Variants in ELMO1 observed in about 807,000 individuals in gnomAD.
ELMO1 encodes the protein engulfment and cell motility protein 1.
In ELMO1, 26 loss-of-function variants were observed where a neutral mutation model predicts 98.9. The observed-to-expected ratio is 0.26, with a 90% CI of 0.19 to 0.36. ELMO1 has a LOEUF of 0.36. ELMO1 is among the 10% of genes least tolerant of loss of function. ELMO1 has a pLI of 1.00. For synonymous variants in ELMO1, 346 were observed against 346.0 expected (o/e 1.00, Z 0.00); for missense variants, 627 against 935.2 (o/e 0.67, Z 4.30).
At chr7:37,078,436 C>T (rs1212994318) in intron 15 of ELMO1, among the ~76,000 whole-genome samples, 1 of 152,162 alleles carries the variant, frequency 6.6e-6, no homozygotes, top group East Asian at 1.9e-4. Context: ...AATGATCCAT[C>T]TATCTTAATA....
intron 1 of ELMO1, among the ~76,000 whole-genome samples, chr7:37,433,095 A>G (rs1443063305): frequency 6.6e-6 from 1 of 152,196 alleles, no homozygotes; most frequent in Non-Finnish European, 1.5e-5. Flanking sequence ...CTCCTCAACA[A>G]GTGACCTTGG....
rs372125187 is a variant in ELMO1, at chr7:37,200,945, TAA to T, written c.1086+10439_1086+10440del. Among the ~76,000 whole-genome samples the T allele has an allele frequency of 3.2e-3, 427 of 133,534 alleles. 1 individual carries two copies. The highest frequency in any genetic ancestry group is 4.0e-3 in the Non-Finnish European group (243 of 60,550). The allele number at this position is 133,534 out of a possible 152,430, so 87.6% of individuals were successfully genotyped here. ...GTGACAAAGTGAGACTCTGTCTCAA[TAA>T]AAAAAAAAAAAATACAAATAAAAAT... is the stretch of plus-strand genomic sequence containing the variant. On this transcript the variant is annotated intron_variant, in intron 13 of 21. Transcript: ENST00000310758.
At chr7:37,019,546 C>T (rs1794149881) in intron 15 of ELMO1, among the ~76,000 whole-genome samples, 1 of 152,114 alleles carries the variant, frequency 6.6e-6, no homozygotes, top group Middle Eastern at 3.2e-3. Flanking sequence ...GAGCTTGTCA[C>T]CTTGCAGAGA....
At chr7:37,105,832 TAGAG>T (rs1784912522) in intron 14 of ELMO1, among the ~76,000 whole-genome samples, 1 of 152,174 alleles carries the variant, frequency 6.6e-6, no homozygotes, top group Non-Finnish European at 1.5e-5. Context: ...TCAAAATCCA[TAGAG>T]AGAGAAGGCA....
intron 13 of ELMO1, chr7:37,197,100 C>T (rs1237802902): frequency 6.6e-6 from 1 of 152,180 alleles, no homozygotes; most frequent in Admixed American, 6.5e-5. Context: ...ATACCCCTTA[C>T]CCTTTTAACC....
intron 16 of ELMO1, among the ~76,000 whole-genome samples, chr7:36,992,543 T>C (rs1005120292): frequency 6.6e-6 from 1 of 152,134 alleles, no homozygotes; most frequent in African/African-American, 2.4e-5. Context: ...AGCTGAGTCT[T>C]GCCAAGCGCA....
chr7:37,132,422 A>C (rs1053188199), intron 14 of ELMO1, among the ~76,000 whole-genome samples: 1 of 152,150 alleles, frequency 6.6e-6, no homozygotes, highest in African/African-American at 2.4e-5. Flanking sequence ...TCCTGACTGA[A>C]TCTGGGTTCT....
intron 8 of ELMO1, among the ~76,000 whole-genome samples, chr7:37,225,507 A>G (rs979277677): frequency 1.3e-4 from 20 of 152,184 alleles, no homozygotes; most frequent in African/African-American, 4.8e-4. Flanking sequence ...GGACTCGCAC[A>G]AATCTCACTT....
chr7:37,303,279 T>C (rs1286229418), intron 4 of ELMO1, among the ~76,000 whole-genome samples: 1 of 152,182 alleles, frequency 6.6e-6, no homozygotes, highest in African/African-American at 2.4e-5. Context: ...CCTGATGGGT[T>C]CTAACAAATA....
At chr7:37,352,409 G>A (rs936877582) in intron 1 of ELMO1, among the ~76,000 whole-genome samples, 2 of 152,168 alleles carry the variant, frequency 1.3e-5, no homozygotes, top group African/African-American at 2.4e-5. Context: ...GCTCTACGCC[G>A]TTCTTTTCAA....
intron 14 of ELMO1, among the ~76,000 whole-genome samples, chr7:37,125,351 C>A (rs1417645799): frequency 6.6e-6 from 1 of 152,070 alleles, no homozygotes; most frequent in African/African-American, 2.4e-5. Flanking sequence ...GAACAGGCAA[C>A]CTACAGAATG....
chr7:37,425,423 G>C (rs774997692), intron 1 of ELMO1, among the ~76,000 whole-genome samples: 2 of 152,182 alleles, frequency 1.3e-5, no homozygotes, highest in African/African-American at 2.4e-5. Flanking sequence ...GGAGGCGTGG[G>C]GGTGTGGGCA....
intron 15 of ELMO1, among the ~76,000 whole-genome samples, chr7:37,093,893 T>C (rs906136060): frequency 2.6e-5 from 4 of 152,214 alleles, no homozygotes; most frequent in African/African-American, 9.6e-5. Flanking sequence ...CTTAAACTTA[T>C]GACTATCACA....
At chr7:37,154,225 C>T (rs1223737292) in intron 13 of ELMO1, among the ~76,000 whole-genome samples, 1 of 152,192 alleles carries the variant, frequency 6.6e-6, no homozygotes, top group Non-Finnish European at 1.5e-5. Flanking sequence ...AACAGAAAGG[C>T]TGAAAATTCC....
chr7:37,017,362 A>G (rs1794000346), intron 15 of ELMO1, among the ~76,000 whole-genome samples: 2 of 152,216 alleles, frequency 1.3e-5, no homozygotes, highest in Admixed American at 6.5e-5. Context: ...ATTTATTTCA[A>G]AAAGCTCACC....
chr7:37,028,960 T>C (rs1298308020), intron 15 of ELMO1, among the ~76,000 whole-genome samples: 1 of 150,788 alleles, frequency 6.6e-6, no homozygotes, highest in African/African-American at 2.5e-5. Context: ...TGTTTTACAA[T>C]TATCAAATTA....
intron 15 of ELMO1, among the ~76,000 whole-genome samples, chr7:37,085,674 T>C (rs1226417637): frequency 1.3e-5 from 2 of 152,174 alleles, no homozygotes; most frequent in Admixed American, 6.5e-5. Context: ...GGGTCCAAGC[T>C]TGAGATTTAG....
chr7:37,371,026 G>C (rs910372512), intron 1 of ELMO1, among the ~76,000 whole-genome samples: 1 of 152,108 alleles, frequency 6.6e-6, no homozygotes, highest in African/African-American at 2.4e-5. Flanking sequence ...TATCTCTCCT[G>C]AGAAAAAATT....
intron 13 of ELMO1, among the ~76,000 whole-genome samples, chr7:37,160,971 T>A (rs755490491): frequency 1.3e-5 from 2 of 152,144 alleles, no homozygotes; most frequent in Non-Finnish European, 2.9e-5. Context: ...GAAGGAAAGT[T>A]CACCTCTCTA....
Sources: gnomAD v4.1 joint callset for allele counts (sites outside exome capture counted in the v4.1 genomes callset) on GRCh38, gnomAD v4.1.1 for gene constraint, MANE v1.5 for transcripts, NCBI Gene and HGNC (gene_info 2026-07-23, HGNC 2026-07-21) for gene names.